Variants in STOX2 observed in about 807,000 individuals in gnomAD.
The protein encoded by STOX2 is storkhead box 2.
A neutral mutation model predicts 60.9 loss-of-function variants in STOX2; 28 were observed. The observed-to-expected ratio is 0.46, with a 90% confidence interval of 0.34 to 0.63. The LOEUF is 0.63. Among genes scored for constraint, STOX2 ranks in the 30% least tolerant of loss-of-function variants. The probability of loss-of-function intolerance (pLI) is 0.01; values close to 1 mark genes in which losing one functional copy is unlikely to be tolerated. For synonymous variants in STOX2, 472 were observed against 463.9 expected, an observed-to-expected ratio of 1.02 and a Z score of -0.22; for missense variants, 1,024 against 1,187.7, an observed-to-expected ratio of 0.86 and a Z score of 2.03.
At chr4:184,017,003 C>T (rs1008841095) in intron 3 of STOX2, 86 bp from the exon 4 acceptor site, 9 of 1,109,414 alleles carry the variant, frequency 8.1e-6, no homozygotes, top group African/African-American at 4.8e-5. Flanking sequence ...AATCCATTAA[C>T]GACATCATTT....
intron 1 of STOX2, among the ~76,000 whole-genome samples, chr4:183,861,283 G>A (rs1740435436): frequency 7.1e-6 from 1 of 139,934 alleles, no homozygotes; most frequent in Non-Finnish European, 1.5e-5. Flanking sequence ...AAACCCCCAG[G>A]TGGGAGTGGA....
At position 184,010,535 on chromosome 4, in the gene STOX2, C is replaced by T. The variant is rs199563171; in HGVS notation, c.1697C>T (p.Pro566Leu). 1.3e-4 allele frequency: 216 copies of T among 1,613,876 alleles called. 1 individual carries two copies. The highest frequency in any genetic ancestry group is 7.8e-4 in the South Asian group (71 of 91,052). ...IPEIVSGSKE[P>L]SSACSLLEPG... ...GAGATAGTCAGTGGCAGCAAGGAACCGTCCAGCGCTTGCAGCCTTTTGGAG... is the reference window on the plus strand; with the variant it reads ...GAGATAGTCAGTGGCAGCAAGGAACTGTCCAGCGCTTGCAGCCTTTTGGAG... The change falls in exon 3 of 4, where the codon CCG becomes CTG. Residue 566 changes from proline (P) to leucine (L), a missense_variant. Physicochemically the swap from Pro to Leu is moderately conservative, Grantham distance 98 (BLOSUM62 -3). Coordinates refer to ENST00000308497, the MANE Select transcript of STOX2 (RefSeq NM_020225.3). This position sits in a 1 kb window ranked among gnomAD's most constrained non-coding sequence, Gnocchi z 4.5.
chr4:183,967,656 G>A (rs1009107623), intron 1 of STOX2, among the ~76,000 whole-genome samples: 3 of 152,056 alleles, frequency 2.0e-5, no homozygotes, highest in Admixed American at 2.0e-4. Context: ...TGTTTTGTTC[G>A]GGTTTCCTGC....
At position 183,845,926 on chromosome 4, in the gene STOX2, G is replaced by A. The variant is rs373205636; in HGVS notation, c.364+47871G>A. On this transcript the variant is annotated intron_variant, in intron 1 of 2. Coordinates refer to the STOX2 transcript ENST00000513034. ...ACTTAACAGTGTTCTTTATTTCTTC[G>A]TGCATATTGAATTATTGTCTAGTAT... Among the ~76,000 whole-genome samples, 100 of 152,096 alleles carry A rather than the reference G, an allele frequency of 6.6e-4. 2 individuals carry two copies. In the South Asian group the frequency reaches 0.019, roughly 29 times the overall value.
At chr4:183,999,714 T>C (rs1408016183) in intron 1 of STOX2, among the ~76,000 whole-genome samples, 3 of 152,224 alleles carry the variant, frequency 2.0e-5, no homozygotes, top group Non-Finnish European at 4.4e-5. Context: ...CCCTGCTGCC[T>C]GATTTCATCG....
intron 1 of STOX2, among the ~76,000 whole-genome samples, chr4:183,834,450 C>T (rs1483902643): frequency 6.6e-6 from 1 of 151,998 alleles, no homozygotes; most frequent in African/African-American, 2.4e-5. Flanking sequence ...TTCCTACAGT[C>T]TGCACAAGCA....
chr4:183,949,920 T>C (rs1484429256), intron 1 of STOX2, among the ~76,000 whole-genome samples: 3 of 152,200 alleles, frequency 2.0e-5, no homozygotes, highest in African/African-American at 7.2e-5. Flanking sequence ...CCTCTAGCAA[T>C]GTCACCTCTT....
intron 1 of STOX2, among the ~76,000 whole-genome samples, chr4:183,823,899 A>G (rs1739361770): frequency 6.6e-6 from 1 of 152,224 alleles, no homozygotes; most frequent in African/African-American, 2.4e-5. Context: ...CATAATGTAC[A>G]GCATACGTTA....
intron 1 of STOX2, among the ~76,000 whole-genome samples, chr4:183,823,827 C>G (rs1378029396): frequency 6.6e-6 from 1 of 152,244 alleles, no homozygotes; most frequent in Non-Finnish European, 1.5e-5. Context: ...ATCTGTGCCT[C>G]TAGACTGTAA....
chr4:183,818,674 G>A (rs573820794), intron 1 of STOX2, among the ~76,000 whole-genome samples: 7 of 151,966 alleles, frequency 4.6e-5, no homozygotes, highest in Non-Finnish European at 7.4e-5. Flanking sequence ...AGGGGCGGCC[G>A]GGCAGAGGCG....
intron 1 of STOX2, among the ~76,000 whole-genome samples, chr4:183,978,924 A>G (rs577160669): frequency 4.4e-4 from 67 of 152,340 alleles, no homozygotes; most frequent in African/African-American, 1.6e-3. Flanking sequence ...GAATCTGTAC[A>G]TCAAAAGAGG....
chr4:183,951,014 G>A (rs956550790), intron 1 of STOX2, among the ~76,000 whole-genome samples: 2 of 152,090 alleles, frequency 1.3e-5, no homozygotes, highest in South Asian at 2.1e-4. Context: ...AGGAGATCGA[G>A]ACCATCCTGG....
At chr4:183,998,213 A>G (rs1733429170) in intron 1 of STOX2, among the ~76,000 whole-genome samples, 1 of 152,218 alleles carries the variant, frequency 6.6e-6, no homozygotes, top group Admixed American at 6.5e-5. Flanking sequence ...GTGATACCCA[A>G]GTCCAGAGGT....
At chr4:183,872,733 C>G (rs191994634) in intron 1 of STOX2, among the ~76,000 whole-genome samples, 45 of 152,152 alleles carry the variant, frequency 3.0e-4, no homozygotes, top group African/African-American at 9.6e-4. Context: ...ACAAGATAAA[C>G]CCACGTAAAT....
At chr4:183,902,385 GA>G (rs1291447136), upstream of STOX2, among the ~76,000 whole-genome samples, 1 of 152,120 alleles carries the variant, frequency 6.6e-6, no homozygotes, top group African/African-American at 2.4e-5. Flanking sequence ...TGTCTGATAT[GA>G]AAATACCAAA....
chr4:183,934,189 G>A (rs1324974637), intron 1 of STOX2, among the ~76,000 whole-genome samples: 2 of 152,124 alleles, frequency 1.3e-5, no homozygotes, highest in Non-Finnish European at 2.9e-5. Flanking sequence ...TGTAATCCCA[G>A]CTACCTGGGA....
At position 184,012,162 on chromosome 4, in the gene STOX2, G is replaced by T. The variant is rs553821872; in HGVS notation, c.2585+739G>T. ...AAAGGGTTGACAGTCAAGAGTTAGT[G>T]GTGCCCAGTGGTCATGGCCAAAGCT... On this transcript the variant is annotated intron_variant, in intron 3 of 3. Coordinates refer to ENST00000308497, the MANE Select transcript of STOX2 (RefSeq NM_020225.3). 1.2e-3 allele frequency among the ~76,000 whole-genome samples: 185 copies of T among 152,320 alleles called. 1 individual carries two copies. The highest frequency in any genetic ancestry group is 0.012 in the Admixed American group (184 of 15,294).
chr4:183,838,958 A>G lies in STOX2; in HGVS notation c.364+40903A>G, dbSNP rs116300662. ...AATCACTGATTGTGCTAGCCAGAGA[A>G]AGAGAACCAATAAGATGCAGTAAGA... On this transcript the variant is annotated intron_variant, in intron 1 of 2. Coordinates refer to the STOX2 transcript ENST00000513034. 3.1e-3 allele frequency among the ~76,000 whole-genome samples: 468 copies of G among 152,252 alleles called. 3 individuals carry two copies. The highest frequency in any genetic ancestry group is 0.01 in the African/African-American group (427 of 41,544).
At chr4:183,950,892 A>G (rs1379911893) in intron 1 of STOX2, among the ~76,000 whole-genome samples, 5 of 152,112 alleles carry the variant, frequency 3.3e-5, no homozygotes, top group Admixed American at 1.3e-4. Context: ...CCCACAACCC[A>G]CGTCATGAAG....
Sources: allele counts gnomAD v4.1 joint callset (sites outside exome capture counted in the v4.1 genomes callset), GRCh38; gene constraint gnomAD v4.1.1; non-coding constraint Gnocchi (gnomAD v3.1); transcripts MANE v1.5; gene names NCBI Gene and HGNC (gene_info 2026-07-23, HGNC 2026-07-21).